Variants in NLK observed in about 807,000 individuals in gnomAD.
The protein encoded by NLK is serine/threonine-protein kinase NLK.
A neutral mutation model predicts 59.0 loss-of-function variants in NLK; 11 were observed. The ratio of observed to expected loss-of-function variants is 0.19; its 90% confidence interval spans 0.12 to 0.31. The LOEUF (loss-of-function observed/expected upper bound fraction) is 0.31, where lower values mean the gene tolerates loss of function less well. NLK is among the 10% of genes least tolerant of loss of function. The pLI is 1.00. For missense variants in NLK, 410 were observed against 661.1 expected, an observed-to-expected ratio of 0.62 and a Z score of 4.16; for synonymous variants, 235 against 235.9, an observed-to-expected ratio of 1.00 and a Z score of 0.03.
At chr17:28,131,586 T>TAA (rs35804817) in intron 2 of NLK, among the ~76,000 whole-genome samples, 1,238 of 83,648 alleles carry the variant, frequency 0.015, 22 homozygotes, top group African/African-American at 0.036. Flanking sequence ...TTCTCTGTAG[T>TAA]AAAAAAAAAA....
intron 1 of NLK, among the ~76,000 whole-genome samples, chr17:28,120,256 G>GTGTGTGTA (rs1905977582): frequency 1.3e-5 from 2 of 150,716 alleles, no homozygotes; most frequent in Admixed American, 6.6e-5. Flanking sequence ...GTGTGTGTGT[G>GTGTGTGTA]TGTGTGTGTG....
chr17:28,116,587 A>G (rs537759680), intron 1 of NLK, among the ~76,000 whole-genome samples: 2 of 152,342 alleles, frequency 1.3e-5, no homozygotes, highest in South Asian at 4.1e-4. Context: ...AATTCAGAAC[A>G]AAGTTTTCTT....
chr17:28,124,676 G>A (rs559914771), intron 2 of NLK, among the ~76,000 whole-genome samples: 1 of 152,258 alleles, frequency 6.6e-6, no homozygotes, highest in South Asian at 2.1e-4. Context: ...GCATCAAAGA[G>A]TGCAGACCTT....
chr17:28,162,415 C>G (rs747828657), intron 4 of NLK, among the ~76,000 whole-genome samples: 17 of 152,104 alleles, frequency 1.1e-4, no homozygotes, highest in Non-Finnish European at 2.4e-4. Context: ...GGCAGATCAT[C>G]TGAGGTCAGG....
chr17:28,079,735 CAT>C (rs1910282471), intron 1 of NLK, among the ~76,000 whole-genome samples: 1 of 152,204 alleles, frequency 6.6e-6, no homozygotes, highest in African/African-American at 2.4e-5. Flanking sequence ...AGGAAGTAAA[CAT>C]ATATGATTTG....
chr17:28,051,273 T>C (rs1909243465), intron 1 of NLK, among the ~76,000 whole-genome samples: 1 of 151,424 alleles, frequency 6.6e-6, no homozygotes, highest in Non-Finnish European at 1.5e-5. Flanking sequence ...TTCTTCCAAA[T>C]CTCATTTGTT....
intron 1 of NLK, among the ~76,000 whole-genome samples, chr17:28,072,274 A>G (rs185543851): frequency 1.6e-4 from 24 of 150,786 alleles, no homozygotes; most frequent in Admixed American, 1.3e-3. Flanking sequence ...TAAGGGAAAC[A>G]CTTAATTCAT....
chr17:28,189,551 C>T (rs1257808078), intron 8 of NLK, among the ~76,000 whole-genome samples: 2 of 151,996 alleles, frequency 1.3e-5, no homozygotes, highest in African/African-American at 2.4e-5. Flanking sequence ...GAAGGATAAA[C>T]CGTTGAAGTT....
intron 3 of NLK, among the ~76,000 whole-genome samples, chr17:28,150,078 A>G (rs79169332): frequency 0.01 from 1,583 of 152,280 alleles, 30 homozygotes; most frequent in African/African-American, 0.036. Context: ...AATCATTACA[A>G]TCTAGATTTA....
At chr17:28,044,230 G>A (rs1206977002) in intron 1 of NLK, among the ~76,000 whole-genome samples, 1 of 152,178 alleles carries the variant, frequency 6.6e-6, no homozygotes, top group Non-Finnish European at 1.5e-5. Context: ...AAACTAGAAT[G>A]AACTGGGTTT....
intron 3 of NLK, among the ~76,000 whole-genome samples, chr17:28,144,698 T>A (rs959549707): frequency 6.6e-6 from 1 of 152,252 alleles, no homozygotes; most frequent in African/African-American, 2.4e-5. Flanking sequence ...CTGTATTTAT[T>A]TGATCTTTTT....
In NLK at chr17:28,185,223, T is replaced by C. The variant is rs1206135018; in HGVS notation, c.1194T>C (p.His398=). ...ATACCCTGTCTAGCCAGGCTACACA[T>C]GAAGCTGTTCATCTCCTTTGCAGGA... ...VLYTLSSQAT[H]EAVHLLCRML... is the part of the protein sequence containing the mutation. The change falls in exon 8 of 11, where the codon CAT becomes CAC. Residue 398 remains histidine (H), a synonymous_variant. Coordinates refer to ENST00000407008, the MANE Select transcript of NLK (RefSeq NM_016231.5). The C allele has an allele frequency of 2.5e-6, 4 of 1,596,040 alleles. No homozygotes were observed. Among genetic ancestry groups the C allele is most frequent in the African/African-American group, 2.7e-5 (2 of 74,754 alleles).
At position 28,172,498 on chromosome 17, in the gene NLK, G is replaced by C; in HGVS notation, c.1048-19G>C. On this transcript the variant is annotated intron_variant, in intron 6 of 10. Coordinates refer to ENST00000407008, the MANE Select transcript of NLK (RefSeq NM_016231.5). ...ATTTCCATGAGATTACTATCTATCT[G>C]TATTTTATTTCCTTGTAGTTGGATT... 6.6e-7 allele frequency: 1 copy of C among 1,511,332 alleles called. No individual in the cohort carries two copies. Among genetic ancestry groups the C allele is most frequent in the Non-Finnish European group, 9.0e-7 (1 of 1,113,596 alleles). 93.6% of individuals were successfully genotyped at this position (1,511,332 alleles called of 1,614,324 possible).
At chr17:28,200,717 C>T (rs1909607773), downstream of NLK, among the ~76,000 whole-genome samples, 1 of 152,238 alleles carries the variant, frequency 6.6e-6, no homozygotes, top group Admixed American at 6.5e-5. Context: ...CTCCTGACCA[C>T]AGGTGATCCA....
intron 1 of NLK, among the ~76,000 whole-genome samples, chr17:28,105,802 T>C (rs933203380): frequency 6.6e-5 from 10 of 152,222 alleles, no homozygotes. Flanking sequence ...GTAGACATTG[T>C]TAGCTAATGA....
intron 3 of NLK, among the ~76,000 whole-genome samples, chr17:28,156,916 G>A (rs929116472): frequency 6.6e-6 from 1 of 152,174 alleles, no homozygotes. Context: ...TTGCAAAACC[G>A]TGGTTTTTTT....
At chr17:28,057,986 A>G (rs770417335) in intron 1 of NLK, among the ~76,000 whole-genome samples, 3 of 152,226 alleles carry the variant, frequency 2.0e-5, no homozygotes, top group African/African-American at 4.8e-5. Context: ...CTAGGCTACA[A>G]TATAAGATAC....
chr17:28,153,222 C>T (rs192603460), intron 3 of NLK, among the ~76,000 whole-genome samples: 55 of 150,428 alleles, frequency 3.7e-4, no homozygotes, highest in Non-Finnish European at 4.9e-4. Flanking sequence ...TGTGGTGAGC[C>T]GAGATCATGC....
At chr17:28,084,485 T>C (rs1406535452) in intron 1 of NLK, among the ~76,000 whole-genome samples, 1 of 151,872 alleles carries the variant, frequency 6.6e-6, no homozygotes, top group East Asian at 1.9e-4. Flanking sequence ...AAAGAGGTGG[T>C]AATAGGAGTA....
Sources: gnomAD v4.1 joint callset for allele counts (sites outside exome capture counted in the v4.1 genomes callset) on GRCh38, gnomAD v4.1.1 for gene constraint, MANE v1.5 for transcripts, NCBI Gene and HGNC (gene_info 2026-07-23, HGNC 2026-07-21) for gene names.